Variants in C6orf118 observed in about 807,000 individuals in gnomAD.
The protein encoded by C6orf118 is chromosome 6 open reading frame 118.
C6orf118 carries 50 observed loss-of-function variants against 50.2 expected under a neutral mutation model. The ratio of observed to expected loss-of-function variants is 1.00; its 90% CI spans 0.79 to 1.26. C6orf118 has a LOEUF of 1.26. C6orf118 is among the 50% of genes most tolerant of loss of function. C6orf118 has a pLI of 0.00. For missense variants in C6orf118, 641 were observed against 578.7 expected, an observed-to-expected ratio of 1.11 and a Z score of -1.10; for synonymous variants, 239 against 230.9, an observed-to-expected ratio of 1.03 and a Z score of -0.32.
At chr6:165,300,303 C>A in intron 3 of C6orf118, 61 bp downstream of exon 3, 1 of 1,597,480 alleles carries the variant, frequency 6.3e-7, no homozygotes, top group African/African-American at 1.3e-5. Flanking sequence ...TGAGATCATT[C>A]TTGTACACAG....
intron 7 of C6orf118, among the ~76,000 whole-genome samples, chr6:165,286,477 A>C (rs1779907545): frequency 6.6e-6 from 1 of 152,158 alleles, no homozygotes; most frequent in Non-Finnish European, 1.5e-5. Flanking sequence ...TACAACAAAA[A>C]AGGAAAACTT....
intron 7 of C6orf118, among the ~76,000 whole-genome samples, chr6:165,285,491 A>T (rs1056726390): frequency 3.9e-5 from 6 of 152,194 alleles, no homozygotes; most frequent in African/African-American, 7.2e-5. Context: ...AAAACAACAG[A>T]ATATGCATTC....
intron 8 of C6orf118, among the ~76,000 whole-genome samples, 191 bp from the exon 9 acceptor site, chr6:165,280,301 AATAG>A (rs1380330974): frequency 1.3e-5 from 2 of 152,220 alleles, no homozygotes; most frequent in African/African-American, 4.8e-5. Context: ...AGATTCTCTA[AATAG>A]ATAGATGGAT....
rs769894454 is a variant in C6orf118 at position 165,301,820 on chromosome 6, G to T, written c.502C>A (p.Pro168Thr). 4 of 1,613,854 alleles carry T rather than the reference G, an allele frequency of 2.5e-6. No homozygotes were observed. Among genetic ancestry groups the T allele is most frequent in the Non-Finnish European group, 3.4e-6 (4 of 1,179,950 alleles). Residue 168 changes from proline to threonine, a missense_variant, in exon 2 of 9, where the codon CCT becomes ACT. Coordinates refer to ENST00000230301, the MANE Select transcript of C6orf118 (RefSeq NM_144980.4). ...EKKGGPPGRG[P>T]PGWRRREELR... ...TCTTCCCTCCTGCGCCATCCAGGAG[G>T]GCCCCGTCCAGGAGGGCCTCCTTTC...
chr6:165,302,758 A>AC (rs1435132341), intron 1 of C6orf118, among the ~76,000 whole-genome samples: 8 of 151,990 alleles, frequency 5.3e-5, no homozygotes, highest in African/African-American at 1.9e-4. Flanking sequence ...CCCTGACTAA[A>AC]CCCCTCAATG....
At chr6:165,281,425 A>T in intron 8 of C6orf118, 1 of 1,088,694 alleles carries the variant, frequency 9.2e-7, no homozygotes, top group Non-Finnish European at 1.2e-6. Context: ...TAAATAACTG[A>T]TCTTGAGAAC....
intron 5 of C6orf118, among the ~76,000 whole-genome samples, chr6:165,293,675 T>C (rs1780186775): frequency 6.6e-6 from 1 of 152,228 alleles, no homozygotes; most frequent in South Asian, 2.1e-4. Context: ...CTTACCAAGA[T>C]TGCATAAGCC....
chr6:165,284,771 A>T (rs990959323), intron 7 of C6orf118, among the ~76,000 whole-genome samples: 1 of 152,204 alleles, frequency 6.6e-6, no homozygotes, highest in African/African-American at 2.4e-5. Flanking sequence ...AGACAAGAAA[A>T]TGCTGAGGGA....
chr6:165,306,535 C>CAAA (rs60755206), intron 1 of C6orf118, among the ~76,000 whole-genome samples: 6 of 39,708 alleles, frequency 1.5e-4, no homozygotes, highest in Non-Finnish European at 2.0e-4. Context: ...TAGGTGAATG[C>CAAA]AAAAAAAAAA....
rs1244959425 is a variant in C6orf118 at position 165,279,898 on chromosome 6, G to A, written c.*159C>T. 5 of 637,606 alleles carry A rather than the reference G, an allele frequency of 7.8e-6. No individual in the cohort carries two copies. The highest frequency in any genetic ancestry group is 7.6e-5 in the African/African-American group (4 of 52,414). 39.5% of individuals were successfully genotyped at this position (637,606 alleles called of 1,614,324 possible). ...CATGTGTACGCATGTGTGTATTTCA[G>A]TATCCTGAGTAGGATACATATACCA... On this transcript the variant is annotated 3_prime_UTR_variant, in exon 9 of 9. Transcript: ENST00000230301.
Position 165,301,550 on chromosome 6 carries a change from G to A in C6orf118, c.753+19C>T, listed in dbSNP as rs368952765. ...CTGAGAGCTCTTCCCTGAGACCACC[G>A]CAGGGCTGCCCTCCTCACCTGCTGC... On this transcript the variant is annotated intron_variant, in intron 2 of 8. Coordinates refer to ENST00000230301, the MANE Select transcript of C6orf118 (RefSeq NM_144980.4). 1.6e-5 allele frequency: 25 copies of A among 1,597,760 alleles called. No individual in the cohort carries two copies. Among genetic ancestry groups the A allele is most frequent in the African/African-American group, 1.3e-4 (10 of 74,682 alleles).
intron 1 of C6orf118, among the ~76,000 whole-genome samples, chr6:165,302,816 C>T (rs1392552768): frequency 6.6e-6 from 1 of 152,112 alleles, no homozygotes; most frequent in African/African-American, 2.4e-5. Context: ...CAGAGCCAAC[C>T]CCCAGGGCTT....
chr6:165,299,130 C>T (rs1015339080), intron 4 of C6orf118, among the ~76,000 whole-genome samples: 3 of 152,178 alleles, frequency 2.0e-5, no homozygotes, highest in African/African-American at 7.2e-5. Context: ...TCAGTGATTT[C>T]GCCAGGACAA....
At chr6:165,307,214 C>CA (rs1780769159) in intron 1 of C6orf118, among the ~76,000 whole-genome samples, 1 of 144,846 alleles carries the variant, frequency 6.9e-6, no homozygotes, top group Non-Finnish European at 1.5e-5. Context: ...CCCCCCACCC[C>CA]CCCCACCCCA....
At chr6:165,283,496 T>G (rs899297670) in intron 7 of C6orf118, among the ~76,000 whole-genome samples, 3 of 152,184 alleles carry the variant, frequency 2.0e-5, no homozygotes, top group African/African-American at 7.2e-5. Context: ...GTCAGAGTGC[T>G]TCGTTAAGCA....
chr6:165,307,571 T>TAAA (rs1780789081), intron 1 of C6orf118, among the ~76,000 whole-genome samples: 14 of 91,638 alleles, frequency 1.5e-4, no homozygotes, highest in South Asian at 7.4e-4. Flanking sequence ...AAAAAAAAAT[T>TAAA]TTTTTTAATC....
chr6:165,287,608 A>G (rs891665945), intron 7 of C6orf118, among the ~76,000 whole-genome samples: 1 of 152,186 alleles, frequency 6.6e-6, no homozygotes, highest in Non-Finnish European at 1.5e-5. Flanking sequence ...GGAACGGAAT[A>G]GAGAACTCAG....
chr6:165,288,792 A>C (rs1384723825), intron 7 of C6orf118, among the ~76,000 whole-genome samples: 1 of 151,980 alleles, frequency 6.6e-6, no homozygotes, highest in Non-Finnish European at 1.5e-5. Flanking sequence ...CAGGAGGGTG[A>C]AGGGAGGTAA....
rs1780752568 is a variant in C6orf118 at position 165,306,742 on chromosome 6, T to C, written c.25+2820A>G. On this transcript the variant is annotated intron_variant, in intron 1 of 8. Transcript: ENST00000230301. ...TATTTCCAAGAAGGATTTGAAGCCA[T>C]CAGCAAGTCAATCAACACAATCATT... 2.0e-5 allele frequency among the ~76,000 whole-genome samples: 3 copies of C among 152,236 alleles called. No homozygotes were observed. In the South Asian group the frequency reaches 6.2e-4, roughly 32 times the overall value.
Sources: allele counts gnomAD v4.1 joint callset (sites outside exome capture counted in the v4.1 genomes callset), GRCh38; gene constraint gnomAD v4.1.1; transcripts MANE v1.5; gene names NCBI Gene and HGNC (gene_info 2026-07-23, HGNC 2026-07-21).